RFX7: variants seen among roughly 807,000 people sequenced by gnomAD.
RFX7 encodes the protein DNA-binding protein RFX7.
In RFX7, 26 loss-of-function variants were observed where a neutral mutation model predicts 111.8. The observed-to-expected ratio is 0.23, with a 90% CI of 0.17 to 0.32. The LOEUF is 0.32. Ranked by LOEUF, RFX7 falls within the 10% of genes least tolerant of loss-of-function variation. The pLI is 1.00. For synonymous variants in RFX7, 624 were observed against 624.4 expected, an observed-to-expected ratio of 1.00 and a Z score of 0.01; for missense variants, 1,573 against 1,772.9, an observed-to-expected ratio of 0.89 and a Z score of 2.02.
intron 5 of RFX7, among the ~76,000 whole-genome samples, chr15:56,141,809 ACT>A (rs544666884): frequency 9.1e-4 from 138 of 151,258 alleles, no homozygotes; most frequent in Middle Eastern, 6.8e-3. Context: ...GATCACATGC[ACT>A]CTCAGTTTTA....
chr15:56,105,718 T>C (rs2140534915), intron 5 of RFX7, among the ~76,000 whole-genome samples: 1 of 152,280 alleles, frequency 6.6e-6, no homozygotes, highest in Non-Finnish European at 1.5e-5. Context: ...TAATGTTAAG[T>C]ATCATCGACC....
chr15:56,235,341 A>AT lies in RFX7; in HGVS notation c.161+7783dup, dbSNP rs564144122. Among the ~76,000 whole-genome samples, 509 of 152,100 alleles carry AT rather than the reference A, an allele frequency of 3.3e-3. 3 individuals are homozygous for AT. The highest frequency in any genetic ancestry group is 0.012 in the African/African-American group (489 of 41,494). ...CAGGCCCCGCCACTGTGACTGGCTA[A>AT]TTTTTTATATTTTTAGTAGAGACGG... On this transcript the variant is annotated intron_variant, in intron 2 of 9. Coordinates refer to ENST00000559447, the MANE Select transcript of RFX7 (RefSeq NM_022841.7).
intron 5 of RFX7, among the ~76,000 whole-genome samples, chr15:56,130,033 T>C (rs991504914): frequency 8.5e-5 from 13 of 152,172 alleles, no homozygotes; most frequent in Non-Finnish European, 1.6e-4. Flanking sequence ...CTACTAAGGA[T>C]ACAAAATCAT....
intron 4 of RFX7, among the ~76,000 whole-genome samples, chr15:56,143,103 G>C (rs1195724397): frequency 6.6e-6 from 1 of 151,994 alleles, no homozygotes; most frequent in African/African-American, 2.4e-5. Flanking sequence ...TTACTGCCCT[G>C]CTCCATCCCT....
intron 5 of RFX7, 59 bp downstream of exon 5, chr15:56,142,719 C>G: frequency 6.8e-7 from 1 of 1,475,206 alleles, no homozygotes; most frequent in Non-Finnish European, 9.3e-7. Flanking sequence ...TCACTATGGC[C>G]AAGTATAGTA....
chr15:56,107,296 CAAAAAA>C (rs56077181), intron 5 of RFX7, among the ~76,000 whole-genome samples: 7 of 32,136 alleles, frequency 2.2e-4, no homozygotes, highest in South Asian at 4.3e-3. Context: ...GACTCCGTCT[CAAAAAA>C]AAAAAAAAAA....
intron 5 of RFX7, among the ~76,000 whole-genome samples, chr15:56,112,945 C>T (rs2041959443): frequency 6.6e-6 from 1 of 152,140 alleles, no homozygotes; most frequent in Admixed American, 6.5e-5. Context: ...ATCAAAACCA[C>T]AAAGAGATAC....
chr15:56,115,690 G>A (rs1403024882), intron 5 of RFX7, among the ~76,000 whole-genome samples: 3 of 152,118 alleles, frequency 2.0e-5, no homozygotes, highest in Non-Finnish European at 4.4e-5. Context: ...TGTAATCCCA[G>A]CACTTTGGGA....
At chr15:56,111,439 C>T (rs1331540625) in intron 5 of RFX7, among the ~76,000 whole-genome samples, 2 of 151,276 alleles carry the variant, frequency 1.3e-5, no homozygotes, top group African/African-American at 4.8e-5. Context: ...TAAACAGACG[C>T]TTGAAGGCAG....
chr15:56,125,610 A>AGTTT (rs1555419379), intron 5 of RFX7, among the ~76,000 whole-genome samples: 1 of 146,954 alleles, frequency 6.8e-6, no homozygotes, highest in Non-Finnish European at 1.5e-5. Flanking sequence ...TGTGTGTGTG[A>AGTTT]GTGTGTGTGT....
intron 2 of RFX7, among the ~76,000 whole-genome samples, chr15:56,182,827 C>G (rs1015043044): frequency 5.3e-5 from 8 of 152,080 alleles, no homozygotes; most frequent in African/African-American, 1.9e-4. Context: ...TGGCATATAC[C>G]TGTAAGAATT....
rs1052642822 is a variant in RFX7 at position 56,089,767 on chromosome 15, A to T, written c.*3578T>A. ...ATTTTGATCTGCAGGCTCAGCTTTC[A>T]TGGGAGCCTTCCTGCTCTTTACCTC... is the stretch of plus-strand genomic sequence containing the variant. On this transcript the variant is annotated 3_prime_UTR_variant, in exon 10 of 10. Coordinates refer to ENST00000559447, the MANE Select transcript of RFX7 (RefSeq NM_022841.7). 6.6e-6 allele frequency: 1 copy of T among 151,996 alleles called. No homozygotes were observed. Among genetic ancestry groups the T allele is most frequent in the Admixed American group, 6.6e-5 (1 of 15,248 alleles). The allele number at this position is 151,996 out of a possible 1,614,324, so 9.4% of individuals were successfully genotyped here. A position where few individuals can be genotyped will look rare whatever the true frequency, so the allele number is the denominator to read the frequency against.
At chr15:56,119,693 CG>C (rs1453458394) in intron 5 of RFX7, among the ~76,000 whole-genome samples, 2 of 149,662 alleles carry the variant, frequency 1.3e-5, no homozygotes, top group African/African-American at 4.9e-5. Context: ...AGGAGAATCG[CG>C]TGAACCTGGG....
intron 5 of RFX7, among the ~76,000 whole-genome samples, chr15:56,126,116 A>T (rs1428467620): frequency 2.0e-5 from 3 of 152,182 alleles, no homozygotes; most frequent in Non-Finnish European, 2.9e-5. Flanking sequence ...AAAGCATGGC[A>T]ACTAGAACTG....
chr15:56,234,418 T>G (rs1402766522), intron 2 of RFX7, among the ~76,000 whole-genome samples: 1 of 152,208 alleles, frequency 6.6e-6, no homozygotes, highest in Non-Finnish European at 1.5e-5. Flanking sequence ...AACCTGTACA[T>G]GTAGAATCTG....
chr15:56,166,052 G>T (rs2042778517), intron 3 of RFX7, among the ~76,000 whole-genome samples: 1 of 152,076 alleles, frequency 6.6e-6, no homozygotes, highest in African/African-American at 2.4e-5. Context: ...ACATGTTCAT[G>T]CCATCATGCC....
chr15:56,229,651 A>T (rs1012804668), intron 2 of RFX7, among the ~76,000 whole-genome samples: 1 of 152,218 alleles, frequency 6.6e-6, no homozygotes, highest in Non-Finnish European at 1.5e-5. Context: ...ACCATAGCCC[A>T]AGAGTTTCTG....
chr15:56,201,971 C>T (rs1217386010), intron 2 of RFX7, among the ~76,000 whole-genome samples: 1 of 152,134 alleles, frequency 6.6e-6, no homozygotes, highest in Non-Finnish European at 1.5e-5. Context: ...GCAGAGCTTG[C>T]AGTGAGCTGA....
chr15:56,184,885 A>G (rs1485483924), intron 2 of RFX7, among the ~76,000 whole-genome samples: 1 of 152,222 alleles, frequency 6.6e-6, no homozygotes, highest in East Asian at 1.9e-4. Flanking sequence ...GCTTACTACT[A>G]TATTCCCAAC....
Sources: gnomAD v4.1 joint callset for allele counts (sites outside exome capture counted in the v4.1 genomes callset) on GRCh38, gnomAD v4.1.1 for gene constraint, MANE v1.5 for transcripts, NCBI Gene and HGNC (gene_info 2026-07-23, HGNC 2026-07-21) for gene names.